The following CTNNA2 variants were observed in gnomAD, a reference collection of about 807,000 sequenced individuals.
The protein encoded by CTNNA2 is catenin alpha-2.
Under a neutral mutation model 101.0 loss-of-function variants are expected in CTNNA2, and 42 were observed. The observed-to-expected ratio is 0.42, with a 90% CI of 0.32 to 0.54. CTNNA2 has a LOEUF of 0.54. CTNNA2 is among the 20% of genes least tolerant of loss of function. CTNNA2 has a pLI of 0.14. For missense variants in CTNNA2, 871 were observed against 1,223.1 expected (o/e 0.71, Z 4.29); for synonymous variants, 450 against 456.4 (o/e 0.99, Z 0.18).
chr2:80,428,459 A>G (rs1221927236), intron 9 of CTNNA2, among the ~76,000 whole-genome samples: 3 of 152,158 alleles, frequency 2.0e-5, no homozygotes, highest in Non-Finnish European at 2.9e-5. Flanking sequence ...ATGCGGCTCA[A>G]TTTTCCTGTA....
intron 3 of CTNNA2, among the ~76,000 whole-genome samples, chr2:79,314,892 C>CATTTATG (rs1309185042): frequency 6.6e-6 from 1 of 152,160 alleles, no homozygotes; most frequent in African/African-American, 2.4e-5. Flanking sequence ...ATGAAGTCAT[C>CATTTATG]ATTTATGGGC....
intron 2 of CTNNA2, among the ~76,000 whole-genome samples, chr2:79,275,620 ATAT>A (rs550807644): frequency 1.0e-3 from 156 of 152,250 alleles, no homozygotes; most frequent in African/African-American, 3.6e-3. Flanking sequence ...TATTATTTTA[ATAT>A]TATGATGTTA....
chr2:80,639,027 C>G (rs1011171938), intron 18 of CTNNA2, among the ~76,000 whole-genome samples: 3 of 146,978 alleles, frequency 2.0e-5, no homozygotes, highest in Non-Finnish European at 4.5e-5. Context: ...CTTAAGGAAG[C>G]CCTGAAGAAA....
intron 9 of CTNNA2, among the ~76,000 whole-genome samples, chr2:80,518,598 C>T (rs1311475819): frequency 1.3e-5 from 2 of 152,222 alleles, no homozygotes; most frequent in African/African-American, 4.8e-5. Context: ...TCTGCAGTGT[C>T]GGGTTCTTAG....
At chr2:79,927,236 A>AT (rs1292082009) in intron 7 of CTNNA2, among the ~76,000 whole-genome samples, 1 of 152,158 alleles carries the variant, frequency 6.6e-6, no homozygotes, top group Non-Finnish European at 1.5e-5. Flanking sequence ...GCAGTTATTA[A>AT]ATTTTTATTT....
intron 8 of CTNNA2, among the ~76,000 whole-genome samples, chr2:80,400,091 T>C (rs1248902330): frequency 6.6e-6 from 1 of 152,222 alleles, no homozygotes; most frequent in Non-Finnish European, 1.5e-5. Flanking sequence ...GAGGTGTTTC[T>C]AGAGCTGATG....
intron 9 of CTNNA2, among the ~76,000 whole-genome samples, chr2:80,541,141 A>G (rs1263701909): frequency 6.6e-6 from 1 of 152,156 alleles, no homozygotes; most frequent in African/African-American, 2.4e-5. Context: ...AAGCCAAAAG[A>G]AAAAAGGGAA....
chr2:80,135,309 T>A (rs1271638248), intron 7 of CTNNA2, among the ~76,000 whole-genome samples: 1 of 152,164 alleles, frequency 6.6e-6, no homozygotes, highest in Non-Finnish European at 1.5e-5. Flanking sequence ...AGGAGACAGA[T>A]GTCAGCGGCT....
intron 3 of CTNNA2, among the ~76,000 whole-genome samples, chr2:79,756,974 A>T (rs571124875): frequency 6.6e-6 from 1 of 152,336 alleles, no homozygotes; most frequent in East Asian, 1.9e-4. Context: ...ATGCAATATG[A>T]TATAGCCACT....
At chr2:79,250,335 A>T (rs1013620426) in intron 2 of CTNNA2, among the ~76,000 whole-genome samples, 2 of 152,170 alleles carry the variant, frequency 1.3e-5, no homozygotes, top group Non-Finnish European at 2.9e-5. Context: ...GCATATTCAC[A>T]GTGAGGATCC....
intron 7 of CTNNA2, among the ~76,000 whole-genome samples, chr2:79,951,179 T>C (rs2104493904): frequency 6.6e-6 from 1 of 152,322 alleles, no homozygotes; most frequent in South Asian, 2.1e-4. Context: ...TAAAGTCTAT[T>C]ATCCATTCTC....
chr2:79,858,038 C>T lies in CTNNA2; in HGVS notation c.324C>T (p.Ser108=), dbSNP rs367585575. The T allele has an allele frequency of 3.7e-5, 59 of 1,613,526 alleles. No homozygotes were observed. The African/African-American group carries it at 6.9e-4, about 19-fold the overall frequency. ...GTGAGACGATGCGGATCGCCTCCTCCGAGTTTGCAGATGACCCTTGCTCGT... is the reference window on the plus strand; with the variant it reads ...GTGAGACGATGCGGATCGCCTCCTCTGAGTTTGCAGATGACCCTTGCTCGT... The part of the protein sequence containing the change: ...KQGETMRIAS[S]EFADDPCSSV... Residue 108 remains serine (S), a synonymous_variant, in exon 4 of 19, where the codon TCC becomes TCT. Coordinates refer to ENST00000402739, the MANE Select transcript of CTNNA2 (RefSeq NM_001282597.3).
At chr2:79,837,523 C>T (rs1367741947) in intron 3 of CTNNA2, among the ~76,000 whole-genome samples, 2 of 152,150 alleles carry the variant, frequency 1.3e-5, no homozygotes, top group Non-Finnish European at 2.9e-5. Flanking sequence ...CATCACAGAA[C>T]CCAACCCATT....
chr2:79,490,910 TC>T (rs1671201604), intron 4 of CTNNA2, among the ~76,000 whole-genome samples: 1 of 152,212 alleles, frequency 6.6e-6, no homozygotes, highest in Non-Finnish European at 1.5e-5. Context: ...AATTGCTATT[TC>T]CCCATACCCC....
rs869061321 is a variant in CTNNA2, at chr2:80,020,993, C to CTTTTTTT, written c.1056+111216_1056+111222dup. On this transcript the variant is annotated intron_variant, in intron 7 of 18. Transcript: ENST00000402739. ...TGAAATTTTTGGAATGACCAATCAT[C>CTTTTTTT]TTTTTTTTTTTTTTTTTTTTTTTTT... 6.7e-5 allele frequency among the ~76,000 whole-genome samples: 6 copies of CTTTTTTT among 89,358 alleles called. 1 individual carries two copies. The East Asian group carries it at 1.4e-3, about 20-fold the overall frequency. 58.6% of individuals were successfully genotyped at this position (89,358 alleles called of 152,430 possible).
chr2:80,183,351 T>C (rs760098750), intron 7 of CTNNA2, among the ~76,000 whole-genome samples: 1 of 152,206 alleles, frequency 6.6e-6, no homozygotes, highest in Non-Finnish European at 1.5e-5. Flanking sequence ...CAATACCTGG[T>C]ACTTATTTTA....
intron 7 of CTNNA2, among the ~76,000 whole-genome samples, chr2:80,332,423 AG>A (rs1671418997): frequency 6.6e-6 from 1 of 152,266 alleles, no homozygotes; most frequent in Non-Finnish European, 1.5e-5. Context: ...TAATTTAGGA[AG>A]GTCTGCGGCT....
At chr2:79,499,957 A>C (rs1251084239) in intron 4 of CTNNA2, among the ~76,000 whole-genome samples, 3 of 152,204 alleles carry the variant, frequency 2.0e-5, no homozygotes, top group African/African-American at 7.2e-5. Flanking sequence ...GGTACAGACA[A>C]ATTTTGAATG....
At chr2:79,708,909 GTAC>G (rs1209018797) in intron 2 of CTNNA2, among the ~76,000 whole-genome samples, 1 of 152,120 alleles carries the variant, frequency 6.6e-6, no homozygotes, top group Non-Finnish European at 1.5e-5. Flanking sequence ...AGATAATAAC[GTAC>G]TACTTAACCT....
Sources: allele counts gnomAD v4.1 joint callset (sites outside exome capture counted in the v4.1 genomes callset), GRCh38; gene constraint gnomAD v4.1.1; transcripts MANE v1.5; gene names NCBI Gene and HGNC (gene_info 2026-07-23, HGNC 2026-07-21).